Variants in ROBO1 observed in about 807,000 individuals in gnomAD.
The protein encoded by ROBO1 is roundabout guidance receptor 1.
Under a neutral mutation model 195.9 loss-of-function variants are expected in ROBO1, and 149 were observed. That is an observed-to-expected ratio of 0.76 (90% CI 0.67 to 0.87). ROBO1 has a LOEUF of 0.87. Ranked by LOEUF, ROBO1 falls within the 40% of genes least tolerant of loss-of-function variation. ROBO1 has a pLI of 0.00. For synonymous variants in ROBO1, 816 were observed against 733.2 expected, an observed-to-expected ratio of 1.11 and a Z score of -1.82; for missense variants, 1,933 against 2,068.3, an observed-to-expected ratio of 0.93 and a Z score of 1.27.
chr3:79,303,611 C>G (rs1476522466), intron 2 of ROBO1, among the ~76,000 whole-genome samples: 1 of 151,942 alleles, frequency 6.6e-6, no homozygotes, highest in Non-Finnish European at 1.5e-5. Context: ...AGTTTTGTAG[C>G]CTTTGATCAA....
intron 3 of ROBO1, among the ~76,000 whole-genome samples, chr3:79,054,448 T>G (rs576442286): frequency 6.6e-6 from 1 of 152,064 alleles, no homozygotes; most frequent in Non-Finnish European, 1.5e-5. Flanking sequence ...AAAATGGCCA[T>G]GCATTCCATC....
chr3:79,611,358 T>C (rs1463838716), intron 1 of ROBO1, among the ~76,000 whole-genome samples: 1 of 151,936 alleles, frequency 6.6e-6, no homozygotes, highest in Non-Finnish European at 1.5e-5. Flanking sequence ...ACCCAGAAAA[T>C]TCAAATTAAA....
At chr3:79,362,861 G>A (rs1197739239) in intron 2 of ROBO1, among the ~76,000 whole-genome samples, 1 of 152,104 alleles carries the variant, frequency 6.6e-6, no homozygotes. Context: ...ATGCTGGGAT[G>A]ATAAAAGAGT....
chr3:79,490,715 C>T (rs1276851334), intron 2 of ROBO1, among the ~76,000 whole-genome samples: 1 of 152,192 alleles, frequency 6.6e-6, no homozygotes, highest in Non-Finnish European at 1.5e-5. Flanking sequence ...GAATGCATTG[C>T]AGTCTCTGAA....
intron 2 of ROBO1, among the ~76,000 whole-genome samples, chr3:79,346,590 T>C (rs1304438385): frequency 1.3e-5 from 2 of 152,228 alleles, no homozygotes; most frequent in Admixed American, 1.3e-4. Flanking sequence ...TGAATATTTC[T>C]AGGAATTAAT....
At chr3:79,736,809 G>A (rs1314256713) in intron 1 of ROBO1, among the ~76,000 whole-genome samples, 2 of 152,160 alleles carry the variant, frequency 1.3e-5, no homozygotes, top group East Asian at 3.8e-4. Context: ...TAAATACATA[G>A]TTAAGTCTTT....
intron 1 of ROBO1, among the ~76,000 whole-genome samples, chr3:79,695,760 T>C (rs2107118961): frequency 6.6e-6 from 1 of 151,564 alleles, no homozygotes; most frequent in South Asian, 2.1e-4. Context: ...AAGAAGAAAT[T>C]ATGTTGAAAT....
At chr3:78,899,244 C>T (rs2037438793) in intron 4 of ROBO1, among the ~76,000 whole-genome samples, 1 of 152,116 alleles carries the variant, frequency 6.6e-6, no homozygotes. Flanking sequence ...GAAGTGGAAA[C>T]CTCGGCTCCT....
intron 18 of ROBO1, among the ~76,000 whole-genome samples, chr3:78,655,373 G>T (rs1361436527): frequency 6.6e-6 from 1 of 152,094 alleles, no homozygotes; most frequent in Non-Finnish European, 1.5e-5. Flanking sequence ...GAGTAGTGAT[G>T]TGTACCATGT....
chr3:78,835,804 CA>C (rs1482793037), intron 4 of ROBO1, among the ~76,000 whole-genome samples: 14 of 152,252 alleles, frequency 9.2e-5, no homozygotes, highest in Middle Eastern at 3.4e-3. Context: ...TTTAGGGTTT[CA>C]ACTAAAATTA....
chr3:78,903,550 TACACACACAC>T (rs146975185), intron 4 of ROBO1, among the ~76,000 whole-genome samples: 1 of 143,368 alleles, frequency 7.0e-6, no homozygotes, highest in Non-Finnish European at 1.5e-5. Flanking sequence ...ATAAAAGAAG[TACACACACAC>T]ACACACACAC....
At chr3:79,211,810 C>T (rs539647189) in intron 2 of ROBO1, among the ~76,000 whole-genome samples, 14 of 152,164 alleles carry the variant, frequency 9.2e-5, no homozygotes, top group African/African-American at 3.4e-4. Flanking sequence ...GAGACCCTAA[C>T]CTAGCTGCGC....
At chr3:79,075,405 C>T (rs531639129) in intron 3 of ROBO1, among the ~76,000 whole-genome samples, 23 of 151,880 alleles carry the variant, frequency 1.5e-4, no homozygotes, top group Non-Finnish European at 2.1e-4. Context: ...ATTTCAGGGA[C>T]GGCTTGGAGA....
intron 2 of ROBO1, among the ~76,000 whole-genome samples, chr3:79,477,577 G>A (rs1047723728): frequency 6.6e-6 from 1 of 152,106 alleles, no homozygotes; most frequent in African/African-American, 2.4e-5. Flanking sequence ...AAAACAACAA[G>A]TGGGAAAGTG....
intron 1 of ROBO1, among the ~76,000 whole-genome samples, chr3:79,595,399 C>T (rs1944134573): frequency 6.6e-6 from 1 of 152,010 alleles, no homozygotes; most frequent in Non-Finnish European, 1.5e-5. Flanking sequence ...ACCTACATTT[C>T]CAAAATTTAT....
intron 4 of ROBO1, among the ~76,000 whole-genome samples, chr3:78,761,577 T>G (rs1027491776): frequency 4.6e-5 from 7 of 152,332 alleles, no homozygotes; most frequent in Non-Finnish European, 8.8e-5. Context: ...GTGATAAATT[T>G]GTTTTCTAAA....
chr3:79,107,127 T>TCTCTCTCCCCTCCC lies in ROBO1; in HGVS notation c.172+18328_172+18329insGGGAGGGGAGAGAG, dbSNP rs1370578718. ...CTCTTTCTCTCTCTCTCTCTCTCTC[T>TCTCTCTCCCCTCCC]CACACACACACACACACACACACAC... On this transcript the variant is annotated intron_variant, in intron 3 of 30. Transcript: ENST00000464233. Among the ~76,000 whole-genome samples the TCTCTCTCCCCTCCC allele has an allele frequency of 1.3e-4, 18 of 136,456 alleles. 1 individual carries two copies. Among genetic ancestry groups the TCTCTCTCCCCTCCC allele is most frequent in the African/African-American group, 4.5e-4 (17 of 37,808 alleles). 89.5% of individuals were successfully genotyped at this position (136,456 alleles called of 152,430 possible). A position where few individuals can be genotyped will look rare whatever the true frequency, so the allele number is the denominator to read the frequency against.
intron 3 of ROBO1, chr3:79,019,429 G>A (rs149699222): frequency 1.2e-4 from 114 of 986,162 alleles, no homozygotes; most frequent in Non-Finnish European, 1.3e-4. Flanking sequence ...TGAAGTTTCT[G>A]CTCTCACGCT....
chr3:79,465,319 C>T (rs373110807), intron 2 of ROBO1, among the ~76,000 whole-genome samples: 18 of 151,940 alleles, frequency 1.2e-4, no homozygotes, highest in Admixed American at 2.6e-4. Context: ...TCAGAACTAT[C>T]GCAAAAAAGA....
Sources: allele counts gnomAD v4.1 joint callset (sites outside exome capture counted in the v4.1 genomes callset), GRCh38; gene constraint gnomAD v4.1.1; transcripts MANE v1.5; gene names NCBI Gene and HGNC (gene_info 2026-07-23, HGNC 2026-07-21).